Variants in MOK observed in about 807,000 individuals in gnomAD.
MOK encodes the protein MOK protein kinase, also known as MAPK/MAK/MRK overlapping kinase.
A neutral mutation model predicts 54.2 loss-of-function variants in MOK; 59 were observed. That is an observed-to-expected ratio of 1.09 (90% CI 0.88 to 1.35). MOK has a LOEUF of 1.35. Among genes scored for constraint, MOK ranks in the 40% most tolerant of loss-of-function variants. MOK has a pLI of 0.00. For missense variants in MOK, 517 were observed against 526.2 expected, an observed-to-expected ratio of 0.98 and a Z score of 0.17; for synonymous variants, 210 against 202.7, an observed-to-expected ratio of 1.04 and a Z score of -0.31.
intron 1 of MOK, among the ~76,000 whole-genome samples, chr14:102,298,868 A>G (rs2071788275): frequency 2.0e-5 from 3 of 152,222 alleles, no homozygotes; most frequent in Non-Finnish European, 4.4e-5. Flanking sequence ...CAAGACCACG[A>G]ACCCACCAGG....
chr14:102,256,614 T>G (rs1025015709), intron 4 of MOK, among the ~76,000 whole-genome samples: 2 of 151,734 alleles, frequency 1.3e-5, no homozygotes, highest in South Asian at 4.2e-4. Flanking sequence ...AGTCTTAGGC[T>G]AGTCTCAAAC....
rs753166737 is a variant in MOK, at chr14:102,229,498, GCACTCTTCCATTTGTTCCAGATC to G, written c.1118_1140del (p.Gly373AlafsTer22). 5.0e-6 allele frequency: 8 copies of G among 1,614,176 alleles called. No homozygotes were observed. The South Asian group carries it at 8.8e-5, about 18-fold the overall frequency. On this transcript the variant is annotated frameshift_variant, in exon 11 of 12. Transcript: ENST00000361847. LOFTEE classifies it low-confidence loss of function (END_TRUNC). ...ATGCACTTCAAGGGTCTCAGCACCG[GCACTCTTCCATTTGTTCCAGATC>G]CAAGCACGGACTGCAGCGTGGGGCT...
chr14:102,302,761 A>G (rs958213930), intron 1 of MOK, among the ~76,000 whole-genome samples: 1 of 151,886 alleles, frequency 6.6e-6, no homozygotes, highest in Non-Finnish European at 1.5e-5. Flanking sequence ...CAGTGCTAAC[A>G]TTAGTCTTTT....
At position 102,229,534 on chromosome 14, in the gene MOK, G is replaced by C. The variant is rs771783119; in HGVS notation, c.1105C>G (p.Gln369Glu). Residue 369 changes from glutamine to glutamate, a missense_variant, in exon 11 of 12, where the codon CAG becomes GAG. Gln to Glu is a conservative substitution (Grantham distance 29). Transcript: ENST00000361847. The stretch of plus-strand genomic sequence containing the variant: ...TTTGTTCCAGATCCAAGCACGGACT[G>C]CAGCGTGGGGCTGGAGTAAGACGAC... The part of the protein sequence containing the change: ...RLSSYSSPTL[Q>E]SVLGSGTNGR... The C allele has an allele frequency of 1.9e-6, 3 of 1,614,202 alleles. No homozygotes were observed. The highest frequency in any genetic ancestry group is 2.5e-6 in the Non-Finnish European group (3 of 1,180,036).
intron 2 of MOK, among the ~76,000 whole-genome samples, chr14:102,269,858 T>C (rs550146971): frequency 2.0e-5 from 3 of 152,332 alleles, no homozygotes; most frequent in South Asian, 2.1e-4. Flanking sequence ...ACTCCCATAA[T>C]TGATTGAACA....
chr14:102,257,377 C>G (rs1256791853), intron 4 of MOK, among the ~76,000 whole-genome samples: 2 of 152,032 alleles, frequency 1.3e-5, no homozygotes, highest in Non-Finnish European at 2.9e-5. Context: ...GCAGCCTGAT[C>G]ATGGAGAGCA....
chr14:102,259,851 C>T (rs1187046339), intron 4 of MOK, among the ~76,000 whole-genome samples: 2 of 151,950 alleles, frequency 1.3e-5, no homozygotes, highest in African/African-American at 4.8e-5. Context: ...CGAGACCATC[C>T]TGGCCAACAT....
chr14:102,217,862 AGGTGTC>A, the MOK span, among the ~76,000 whole-genome samples: 2 of 152,252 alleles, frequency 1.3e-5, no homozygotes, highest in Non-Finnish European at 2.9e-5. Context: ...GTCTCTAAAA[AGGTGTC>A]GCTTTGCAAA....
intron 2 of MOK, among the ~76,000 whole-genome samples, chr14:102,267,437 G>A (rs539550977): frequency 8.5e-5 from 13 of 152,160 alleles, no homozygotes; most frequent in African/African-American, 2.6e-4. Flanking sequence ...GCAGTGGCAC[G>A]TGCCTGTAAT....
chr14:102,214,664 ATT>A, the MOK span: 28 of 983,998 alleles, frequency 2.8e-5, no homozygotes, highest in Middle Eastern at 5.2e-4. Flanking sequence ...TTGTATGGAT[ATT>A]TTGAGTGAAA....
chr14:102,276,791 C>T lies in MOK; in HGVS notation c.122+6687G>A, dbSNP rs916105550. Among the ~76,000 whole-genome samples the T allele has an allele frequency of 4.2e-4, 42 of 100,944 alleles. No homozygotes were observed. The South Asian group carries it at 0.012, about 29-fold the overall frequency. 66.2% of individuals were successfully genotyped at this position (100,944 alleles called of 152,430 possible). ...GGGCAACAAGAGCGAAACTCCGTCT[C>T]AAAAAAAAAAAAAAAGAAAAAGAAA... is the stretch of plus-strand genomic sequence containing the variant. On this transcript the variant is annotated intron_variant, in intron 2 of 11. Coordinates refer to ENST00000361847, the MANE Select transcript of MOK (RefSeq NM_014226.3).
intron 1 of MOK, among the ~76,000 whole-genome samples, chr14:102,285,059 G>A (rs2069880234): frequency 6.7e-6 from 1 of 150,238 alleles, no homozygotes; most frequent in South Asian, 2.1e-4. Context: ...CTCCAGCCTG[G>A]GCTACAGAGT....
At chr14:102,216,607 G>A in the MOK span, among the ~76,000 whole-genome samples, 1 of 152,152 alleles carries the variant, frequency 6.6e-6, no homozygotes, top group South Asian at 2.1e-4. Flanking sequence ...TTTAAAAATA[G>A]CTAGTTTGTA....
At chr14:102,264,716 A>T (rs557036941) in intron 3 of MOK, 1 of 152,246 alleles carries the variant, frequency 6.6e-6, no homozygotes, top group Non-Finnish European at 1.5e-5. Context: ...ACACAGTTAT[A>T]ACAAGACATT....
At chr14:102,263,639 A>C in intron 3 of MOK, 23 bp from the exon 4 acceptor site, 2 of 1,556,658 alleles carry the variant, frequency 1.3e-6, no homozygotes, top group African/African-American at 2.7e-5. Flanking sequence ...GCAAGTTTTT[A>C]AAATAAATTT....
chr14:102,293,719 A>G (rs1269415186), intron 1 of MOK, among the ~76,000 whole-genome samples: 6 of 149,990 alleles, frequency 4.0e-5, no homozygotes, highest in South Asian at 2.1e-4. Context: ...AAAAAAAAAA[A>G]AAAAAAAGAA....
rs1306942878 is a variant in MOK, at chr14:102,250,965, A to G, written c.437T>C (p.Phe146Ser). The G allele has an allele frequency of 6.2e-6, 10 of 1,613,966 alleles. 1 individual carries two copies. The African/African-American group carries it at 8.0e-5, about 13-fold the overall frequency. ...GGAATAGACACTCCGGCAGGAGCCA[A>G]AGTCCCCTAATTTCAGGACATCCTG... ...IKQDVLKLGDFGSCRSVYSKQ... is the reference protein window; with the variant it reads ...IKQDVLKLGDSGSCRSVYSKQ... The change falls in exon 7 of 12, where the codon TTT becomes TCT. Residue 146 changes from phenylalanine to serine, a missense_variant. Coordinates refer to ENST00000361847, the MANE Select transcript of MOK (RefSeq NM_014226.3).
At chr14:102,229,866 A>G (rs1035686869) in intron 10 of MOK, 3 of 575,068 alleles carry the variant, frequency 5.2e-6, no homozygotes, top group Non-Finnish European at 9.1e-6. Context: ...CTTCAGGGGG[A>G]ACCTGAAGAA....
chr14:102,250,121 G>A (rs2066406652), intron 7 of MOK, among the ~76,000 whole-genome samples: 1 of 152,190 alleles, frequency 6.6e-6, no homozygotes, highest in African/African-American at 2.4e-5. Flanking sequence ...TCAAAGGAGA[G>A]TATGTCCTGA....
Sources: allele counts gnomAD v4.1 joint callset (sites outside exome capture counted in the v4.1 genomes callset), GRCh38; gene constraint gnomAD v4.1.1; transcripts MANE v1.5; gene names NCBI Gene and HGNC (gene_info 2026-07-23, HGNC 2026-07-21).